COP1: variants seen among roughly 807,000 people sequenced by gnomAD.
The protein encoded by COP1 is E3 ubiquitin-protein ligase COP1.
In COP1, 24 loss-of-function variants were observed where a neutral mutation model predicts 101.3. The ratio of observed to expected loss-of-function variants is 0.24; its 90% CI spans 0.17 to 0.33. COP1 has a LOEUF of 0.33. Among genes scored for constraint, COP1 ranks in the 10% least tolerant of loss-of-function variants. The pLI is 1.00. For synonymous variants in COP1, 347 were observed against 341.9 expected (o/e 1.01, Z -0.17); for missense variants, 663 against 906.2 (o/e 0.73, Z 3.45).
intron 1 of COP1, among the ~76,000 whole-genome samples, chr1:176,193,837 G>C (rs542710564): frequency 3.3e-5 from 5 of 152,096 alleles, no homozygotes; most frequent in Admixed American, 6.6e-5. Flanking sequence ...GTTTCTTTAG[G>C]GGCTGATAAA....
At chr1:175,968,424 T>C (rs1281954588) in intron 18 of COP1, 2 of 518,542 alleles carry the variant, frequency 3.9e-6, no homozygotes, top group Non-Finnish European at 7.7e-6. Context: ...CGATCAGACT[T>C]AGCCAGCTGT....
At chr1:176,090,380 C>T (rs566649692) in intron 9 of COP1, among the ~76,000 whole-genome samples, 4 of 152,168 alleles carry the variant, frequency 2.6e-5, no homozygotes, top group South Asian at 2.1e-4. Flanking sequence ...TTGGTTTTTT[C>T]GGCTCCAAAT....
chr1:176,170,713 T>TA (rs1234294189), intron 3 of COP1, among the ~76,000 whole-genome samples: 1 of 152,156 alleles, frequency 6.6e-6, no homozygotes, highest in Non-Finnish European at 1.5e-5. Context: ...CAGTGGCACT[T>TA]AAAGTCACCA....
At chr1:176,169,228 T>A (rs1695659205) in intron 3 of COP1, among the ~76,000 whole-genome samples, 1 of 152,214 alleles carries the variant, frequency 6.6e-6, no homozygotes, top group Non-Finnish European at 1.5e-5. Context: ...CAATGCCACT[T>A]AAACTACTTG....
chr1:176,082,264 C>A (rs1389573974), intron 10 of COP1, among the ~76,000 whole-genome samples: 2 of 152,112 alleles, frequency 1.3e-5, no homozygotes, highest in Non-Finnish European at 2.9e-5. Flanking sequence ...TTCATAGCTT[C>A]TTTATTCTAA....
At chr1:176,113,764 T>C (rs1379080935) in intron 9 of COP1, among the ~76,000 whole-genome samples, 1 of 152,078 alleles carries the variant, frequency 6.6e-6, no homozygotes, top group Non-Finnish European at 1.5e-5. Context: ...TGTTAAATAA[T>C]TTGTGGGAGA....
intron 9 of COP1, among the ~76,000 whole-genome samples, chr1:176,112,809 ATGTT>A (rs1312485126): frequency 1.3e-5 from 2 of 151,886 alleles, no homozygotes; most frequent in Non-Finnish European, 2.9e-5. Flanking sequence ...ACAATATGTG[ATGTT>A]TGTTTGTCTT....
intron 10 of COP1, among the ~76,000 whole-genome samples, chr1:176,085,288 G>A (rs965831002): frequency 7.9e-5 from 12 of 151,424 alleles, no homozygotes; most frequent in Non-Finnish European, 1.5e-4. Flanking sequence ...TTGTATTAGT[G>A]GATATTATTA....
chr1:176,146,996 T>C (rs1691672233), intron 6 of COP1, among the ~76,000 whole-genome samples: 1 of 152,186 alleles, frequency 6.6e-6, no homozygotes, highest in African/African-American at 2.4e-5. Flanking sequence ...ATTTAACTTC[T>C]CTGATTGGTA....
At chr1:175,954,399 C>T (rs781622381) in intron 18 of COP1, among the ~76,000 whole-genome samples, 2 of 151,606 alleles carry the variant, frequency 1.3e-5, no homozygotes, top group African/African-American at 4.8e-5. Flanking sequence ...GACGTAAGTA[C>T]AAGAATGACA....
intron 18 of COP1, among the ~76,000 whole-genome samples, chr1:175,976,204 T>C (rs1010806917): frequency 1.3e-5 from 2 of 150,992 alleles, no homozygotes; most frequent in African/African-American, 4.9e-5. Flanking sequence ...TATTTTATTC[T>C]GTTCAGAATA....
At chr1:176,165,372 GT>G (rs1393318886) in intron 3 of COP1, among the ~76,000 whole-genome samples, 2 of 143,118 alleles carry the variant, frequency 1.4e-5, no homozygotes, top group African/African-American at 5.5e-5. Flanking sequence ...GTGTGTGTGT[GT>G]GTGTGTGTGT....
intron 11 of COP1, among the ~76,000 whole-genome samples, chr1:176,070,962 T>G (rs1214872265): frequency 6.6e-6 from 1 of 152,226 alleles, no homozygotes; most frequent in African/African-American, 2.4e-5. Flanking sequence ...CACTCCTGCT[T>G]CTGTCCAATT....
At chr1:176,023,837 C>A (rs978839647) in intron 15 of COP1, among the ~76,000 whole-genome samples, 2 of 152,058 alleles carry the variant, frequency 1.3e-5, no homozygotes, top group African/African-American at 4.8e-5. Context: ...CTAATGAATT[C>A]TATCAAATAT....
chr1:176,198,706 AATACACAGG>A (rs1374889935), intron 1 of COP1, among the ~76,000 whole-genome samples: 1 of 152,166 alleles, frequency 6.6e-6, no homozygotes, highest in Non-Finnish European at 1.5e-5. Flanking sequence ...AAAATACCAC[AATACACAGG>A]TCTGACAAAA....
chr1:176,125,809 T>C (rs1031755227), intron 8 of COP1, among the ~76,000 whole-genome samples: 10 of 152,274 alleles, frequency 6.6e-5, no homozygotes, highest in South Asian at 2.1e-4. Context: ...TGTAGATTGC[T>C]TGGGTAGTAT....
chr1:176,071,845 G>C lies in COP1; in HGVS notation c.1277+9307C>G, dbSNP rs561398913. ...TTAAATGCTAACCTAATTAATGCTT[G>C]TTTTGTGGATATGTGTAAAATTATT... On this transcript the variant is annotated intron_variant, in intron 11 of 19. Coordinates refer to ENST00000367669, the MANE Select transcript of COP1 (RefSeq NM_022457.7). Among the ~76,000 whole-genome samples the C allele has an allele frequency of 2.6e-5, 4 of 152,096 alleles. No individual in the cohort carries two copies. The South Asian group carries it at 8.3e-4, about 32-fold the overall frequency.
chr1:176,146,080 C>T (rs1394448915), intron 6 of COP1, among the ~76,000 whole-genome samples: 6 of 151,934 alleles, frequency 3.9e-5, no homozygotes, highest in Admixed American at 3.9e-4. Flanking sequence ...CAAAAGGAAA[C>T]CAAGACTCAT....
intron 3 of COP1, among the ~76,000 whole-genome samples, chr1:176,167,137 A>T (rs12084102): frequency 6.6e-6 from 1 of 152,130 alleles, no homozygotes; most frequent in South Asian, 2.1e-4. Flanking sequence ...CAACATTCAA[A>T]TGTCTATATA....
Sources: allele counts gnomAD v4.1 joint callset (sites outside exome capture counted in the v4.1 genomes callset), GRCh38; gene constraint gnomAD v4.1.1; transcripts MANE v1.5; gene names NCBI Gene and HGNC (gene_info 2026-07-23, HGNC 2026-07-21).